Variants in BNIP1 observed in about 807,000 individuals in gnomAD.
The protein encoded by BNIP1 is BCL2 interacting protein 1, also known as vesicle transport protein SEC20.
BNIP1 carries 25 observed loss-of-function variants against 28.5 expected under a neutral mutation model. The observed-to-expected ratio is 0.88, with a 90% CI of 0.64 to 1.23. BNIP1 has a LOEUF of 1.23. BNIP1 is among the 50% of genes most tolerant of loss of function. The pLI is 0.00. For missense variants in BNIP1, 276 were observed against 277.0 expected, an observed-to-expected ratio of 1.00 and a Z score of 0.02; for synonymous variants, 118 against 101.7, an observed-to-expected ratio of 1.16 and a Z score of -0.96.
rs924756381 is a variant in BNIP1 at position 173,154,479 on chromosome 5, G to T, written c.269+66G>T. 5.3e-6 allele frequency: 7 copies of T among 1,318,750 alleles called. No homozygotes were observed. In the East Asian group the frequency reaches 7.2e-5, roughly 14 times the overall value. 81.7% of individuals were successfully genotyped at this position (1,318,750 alleles called of 1,614,324 possible). On this transcript the variant is annotated intron_variant, in intron 3 of 5. Transcript: ENST00000351486. ...TTCTTGTTGCCTGTGAGCCTTGCACGTGTGTTTGCCTGATGGATCTGCTTT... is the reference window on the plus strand; with the variant it reads ...TTCTTGTTGCCTGTGAGCCTTGCACTTGTGTTTGCCTGATGGATCTGCTTT...
At chr5:173,155,612 C>T (rs562612055) in intron 3 of BNIP1, among the ~76,000 whole-genome samples, 13 of 152,146 alleles carry the variant, frequency 8.5e-5, no homozygotes, top group East Asian at 1.9e-4. Context: ...GCAGGAGAAT[C>T]GCTTGAGCCC....
chr5:173,156,229 G>C (rs1379447613), intron 3 of BNIP1, among the ~76,000 whole-genome samples: 1 of 152,212 alleles, frequency 6.6e-6, no homozygotes, highest in African/African-American at 2.4e-5. Context: ...ACTGAGTACA[G>C]AGGAGCCCTT....
In BNIP1 at chr5:173,144,582, A is replaced by C; in HGVS notation, c.37A>C (p.Asn13His). ...CCAAGACGTCCACGTCCGGATCTGT[A>C]ACCAAGAGATTGTCAAATTTGACCT... The part of the protein sequence containing the change: ...APQDVHVRIC[N>H]QEIVKFDLEV... The change falls in exon 1 of 6, where the codon AAC becomes CAC. Residue 13 changes from asparagine to histidine, a missense_variant. Coordinates refer to ENST00000351486, the MANE Select transcript of BNIP1 (RefSeq NM_001205.3). 7 of 1,614,132 alleles carry C rather than the reference A, an allele frequency of 4.3e-6. No homozygotes were observed. The highest frequency in any genetic ancestry group is 5.1e-6 in the Non-Finnish European group (6 of 1,180,018).
intron 3 of BNIP1, among the ~76,000 whole-genome samples, chr5:173,156,725 G>T (rs770221464): frequency 2.0e-5 from 3 of 149,424 alleles, no homozygotes; most frequent in Non-Finnish European, 4.4e-5. Context: ...TCGGCTCACT[G>T]CAAGCTCCAC....
chr5:173,149,746 G>A (rs1396409600), intron 2 of BNIP1, among the ~76,000 whole-genome samples: 1 of 152,212 alleles, frequency 6.6e-6, no homozygotes, highest in African/African-American at 2.4e-5. Context: ...CATGGCAGAA[G>A]GCAAAGGGAG....
chr5:173,146,976 A>C lies in BNIP1; in HGVS notation c.177+18A>C. On this transcript the variant is annotated intron_variant, in intron 2 of 5. Coordinates refer to ENST00000351486, the MANE Select transcript of BNIP1 (RefSeq NM_001205.3). ...GAATACAGGTGGGTATTCTCAATTC[A>C]GTCAATGAAGGGGGCTCTGTCCTGG... 1 of 1,589,502 alleles carries C rather than the reference A, an allele frequency of 6.3e-7. No homozygotes were observed. Among genetic ancestry groups the C allele is most frequent in the South Asian group, 1.1e-5 (1 of 90,522 alleles).
chr5:173,159,240 C>T lies in BNIP1; in HGVS notation c.371+395C>T, dbSNP rs551123108. On this transcript the variant is annotated intron_variant, in intron 4 of 5. Coordinates refer to ENST00000351486, the MANE Select transcript of BNIP1 (RefSeq NM_001205.3). ...TTTTAGTAGAGACGGGGTTTAACCA[C>T]GTTGGCCAGGCTGGTCTTGAACTCC... Among the ~76,000 whole-genome samples the T allele has an allele frequency of 1.0e-3, 159 of 151,982 alleles. 2 individuals are homozygous for T. In the South Asian group the frequency reaches 0.015, roughly 14 times the overall value.
At chr5:173,153,270 C>T (rs944929368) in intron 2 of BNIP1, among the ~76,000 whole-genome samples, 6 of 151,842 alleles carry the variant, frequency 4.0e-5, no homozygotes, top group Non-Finnish European at 4.4e-5. Flanking sequence ...CTCTGTCGCC[C>T]AGGCTGGAGT....
intron 4 of BNIP1, 125 bp downstream of exon 4, chr5:173,158,970 G>GA: frequency 5.1e-6 from 3 of 593,454 alleles, no homozygotes; most frequent in South Asian, 3.0e-5. Flanking sequence ...TTTTAAGTTT[G>GA]AAAAAAATGC....
intron 2 of BNIP1, among the ~76,000 whole-genome samples, chr5:173,152,159 G>A (rs1384051823): frequency 6.6e-6 from 1 of 152,088 alleles, no homozygotes; most frequent in Non-Finnish European, 1.5e-5. Context: ...AACTATCACT[G>A]GTTCTCTTTG....
intron 3 of BNIP1, 80 bp from the exon 4 acceptor site, chr5:173,158,664 T>G: frequency 4.3e-6 from 5 of 1,150,024 alleles, no homozygotes; most frequent in Non-Finnish European, 6.3e-6. Context: ...TGTGCCTTTG[T>G]TGGGGGGAAG....
intron 3 of BNIP1, 113 bp downstream of exon 3, chr5:173,154,526 T>A: frequency 1.2e-5 from 2 of 169,624 alleles, no homozygotes; most frequent in Non-Finnish European, 2.0e-5. Context: ...AATGGTGTCT[T>A]TTTTTTTTTT....
intron 2 of BNIP1, among the ~76,000 whole-genome samples, chr5:173,150,224 C>T (rs1401307303): frequency 6.6e-6 from 1 of 150,712 alleles, no homozygotes; most frequent in Non-Finnish European, 1.5e-5. Context: ...TGCCACTGCA[C>T]TCCAGCCTGG....
At chr5:173,158,947 A>C in intron 4 of BNIP1, 102 bp downstream of exon 4, 1 of 749,806 alleles carries the variant, frequency 1.3e-6, no homozygotes, top group Non-Finnish European at 2.0e-6. Context: ...TAATTTAATT[A>C]CATAAGTAAT....
chr5:173,150,767 A>T lies in BNIP1; in HGVS notation c.178-3555A>T, dbSNP rs536758605. 4.6e-3 allele frequency among the ~76,000 whole-genome samples: 700 copies of T among 152,090 alleles called. 5 individuals are homozygous for T. Among genetic ancestry groups the T allele is most frequent in the Middle Eastern group, 0.017 (5 of 294 alleles). Reference sequence around the variant, plus strand: ...TAAAAAGACAAATTTCTTTTTTTTTAAAATTTCTTCCTTGTTTCTCATCTA... The same window carrying T: ...TAAAAAGACAAATTTCTTTTTTTTTTAAATTTCTTCCTTGTTTCTCATCTA... On this transcript the variant is annotated intron_variant, in intron 2 of 5. Transcript: ENST00000351486.
rs2113866231 is a variant in BNIP1 at position 173,164,204 on chromosome 5, T to TCCAGGACCAGATGCC, written c.*283_*284insCCAGGACCAGATGCC. 2 of 280,680 alleles carry TCCAGGACCAGATGCC rather than the reference T, an allele frequency of 7.1e-6. No homozygotes were observed. Among genetic ancestry groups the TCCAGGACCAGATGCC allele is most frequent in the East Asian group, 1.2e-4 (2 of 16,256 alleles). The allele number at this position is 280,680 out of a possible 1,614,324, so 17.4% of individuals were successfully genotyped here. ...GGGAGGCCGCTGCTGCGTGGAGCAC[T>TCCAGGACCAGATGCC]TAAAGTCCAGCCTCCAGGACCGGAT... is the stretch of plus-strand genomic sequence containing the variant. On this transcript the variant is annotated 3_prime_UTR_variant, in exon 6 of 6. Coordinates refer to ENST00000351486, the MANE Select transcript of BNIP1 (RefSeq NM_001205.3). The surrounding 1 kb of genome is among the most constrained non-coding windows in gnomAD (Gnocchi z 4.0).
At chr5:173,150,478 G>T (rs1237709466) in intron 2 of BNIP1, among the ~76,000 whole-genome samples, 1 of 152,166 alleles carries the variant, frequency 6.6e-6, no homozygotes, top group Non-Finnish European at 1.5e-5. Flanking sequence ...TGCTATTGGA[G>T]TTAACTATAT....
At chr5:173,154,519 G>A in intron 3 of BNIP1, 106 bp downstream of exon 3, 2 of 859,744 alleles carry the variant, frequency 2.3e-6, no homozygotes. Context: ...CTGACTTAAT[G>A]GTGTCTTTTT....
intron 2 of BNIP1, among the ~76,000 whole-genome samples, chr5:173,152,741 T>C (rs1760058437): frequency 6.6e-6 from 1 of 152,248 alleles, no homozygotes; most frequent in South Asian, 2.1e-4. Context: ...TAATTCACAG[T>C]TGATTATTTC....
Sources: gnomAD v4.1 joint callset for allele counts (sites outside exome capture counted in the v4.1 genomes callset) on GRCh38, gnomAD v4.1.1 for gene constraint, Gnocchi (gnomAD v3.1) non-coding constraint, MANE v1.5 for transcripts, NCBI Gene and HGNC (gene_info 2026-07-23, HGNC 2026-07-21) for gene names.